ANKRD30BL: variants seen among roughly 807,000 people sequenced by gnomAD.
The protein encoded by ANKRD30BL is ankyrin repeat domain 30B like, also known as putative ankyrin repeat domain-containing protein 30B-like.
Under a neutral mutation model 18.4 loss-of-function variants are expected in ANKRD30BL, and 20 were observed. The observed-to-expected ratio is 1.09, with a 90% CI of 0.77 to 1.58. The LOEUF is 1.58. ANKRD30BL is among the 40% of genes most tolerant of loss of function. The pLI, the probability that ANKRD30BL is intolerant of heterozygous loss-of-function variation, is 0.00. For synonymous variants in ANKRD30BL, 72 were observed against 100.9 expected, an observed-to-expected ratio of 0.71 and a Z score of 1.72; for missense variants, 224 against 268.6, an observed-to-expected ratio of 0.83 and a Z score of 1.16.
chr2:132,242,110 G>C (rs1573884038), intron 1 of ANKRD30BL, among the ~76,000 whole-genome samples: 1 of 151,224 alleles, frequency 6.6e-6, no homozygotes. Context: ...ATTTTTCTTA[G>C]ATACAGCAGT....
At chr2:132,196,384 G>T (rs1474617402) in intron 1 of ANKRD30BL, among the ~76,000 whole-genome samples, 1 of 151,976 alleles carries the variant, frequency 6.6e-6, no homozygotes, top group Non-Finnish European at 1.5e-5. Context: ...GAACCCTGGG[G>T]GATTGCAGTG....
chr2:132,198,272 C>G (rs1480690514), intron 1 of ANKRD30BL, among the ~76,000 whole-genome samples: 5 of 35,490 alleles, frequency 1.4e-4, no homozygotes, highest in African/African-American at 6.2e-4. Context: ...TCTTTCTTTT[C>G]TTTCTTTCTT....
At chr2:132,197,450 T>C (rs1202419518) in intron 1 of ANKRD30BL, among the ~76,000 whole-genome samples, 1 of 152,186 alleles carries the variant, frequency 6.6e-6, no homozygotes, top group South Asian at 2.1e-4. Context: ...TTTATATTTT[T>C]CATTTTCTAG....
At chr2:132,198,622 CTT>C (rs1198235501) in intron 1 of ANKRD30BL, among the ~76,000 whole-genome samples, 7 of 138,080 alleles carry the variant, frequency 5.1e-5, no homozygotes, top group Non-Finnish European at 9.5e-5. Context: ...AGCGCCCAGC[CTT>C]TTTTTTTTTT....
intron 1 of ANKRD30BL, among the ~76,000 whole-genome samples, chr2:132,249,051 G>A (rs201228196): frequency 1.6e-4 from 24 of 151,860 alleles, no homozygotes; most frequent in South Asian, 8.3e-4. Flanking sequence ...GAAAAGAAAC[G>A]TTTACCTCTG....
chr2:132,180,466 C>T (rs917487841), intron 1 of ANKRD30BL, among the ~76,000 whole-genome samples: 11 of 152,196 alleles, frequency 7.2e-5, no homozygotes, highest in Non-Finnish European at 1.5e-4. Context: ...CAAATTTATT[C>T]CATCATCAAG....
intron 1 of ANKRD30BL, among the ~76,000 whole-genome samples, chr2:132,223,214 T>C (rs942172630): frequency 1.3e-5 from 2 of 152,060 alleles, no homozygotes; most frequent in African/African-American, 4.8e-5. Flanking sequence ...TTTGAAACAG[T>C]CTTTTGGAGA....
upstream of ANKRD30BL, among the ~76,000 whole-genome samples, chr2:132,164,842 C>A (rs1019653276): frequency 6.6e-5 from 10 of 152,052 alleles, no homozygotes; most frequent in Non-Finnish European, 1.5e-4. Context: ...GAGGCCAAGG[C>A]GGGCAGATCA....
At chr2:132,163,216 C>G (rs549206344), upstream of ANKRD30BL, among the ~76,000 whole-genome samples, 361 of 152,170 alleles carry the variant, frequency 2.4e-3, 2 homozygotes, top group African/African-American at 8.3e-3. Context: ...TTTGGGAGAC[C>G]GAGATAGGAG....
chr2:132,188,640 G>T (rs1479932353), intron 1 of ANKRD30BL, among the ~76,000 whole-genome samples: 2 of 152,166 alleles, frequency 1.3e-5, no homozygotes, highest in African/African-American at 4.8e-5. Context: ...AACCCGGGAG[G>T]TGGAGCTTGT....
At chr2:132,244,952 G>A (rs973506490) in intron 1 of ANKRD30BL, among the ~76,000 whole-genome samples, 1 of 152,288 alleles carries the variant, frequency 6.6e-6, no homozygotes, top group Non-Finnish European at 1.5e-5. Context: ...CTACACAGAA[G>A]CATTCTCAGA....
Position 132,241,491 on chromosome 2 carries a change from G to A in ANKRD30BL, n.441+16038C>T, listed in dbSNP as rs78168260. ...GAAGTGGACATTTGGAGCACTTTGAGGCCTGTGGTAAAAAGAATTATCTTC... is the reference window on the plus strand; with the variant it reads ...GAAGTGGACATTTGGAGCACTTTGAAGCCTGTGGTAAAAAGAATTATCTTC... On this transcript the variant is annotated intron_variant and non_coding_transcript_variant, in intron 1 of 4. Coordinates refer to the ANKRD30BL transcript ENST00000470729. 4.2e-4 allele frequency among the ~76,000 whole-genome samples: 63 copies of A among 151,640 alleles called. 2 individuals are homozygous for A. In the South Asian group the frequency reaches 0.011, roughly 27 times the overall value.
At chr2:132,202,791 A>G (rs1327593908) in intron 1 of ANKRD30BL, among the ~76,000 whole-genome samples, 2 of 152,218 alleles carry the variant, frequency 1.3e-5, no homozygotes, top group Non-Finnish European at 2.9e-5. Context: ...GTTGGCCTCT[A>G]CTACAACATT....
chr2:132,219,036 C>T (rs1679592875), intron 1 of ANKRD30BL, among the ~76,000 whole-genome samples: 1 of 152,080 alleles, frequency 6.6e-6, no homozygotes, highest in African/African-American at 2.4e-5. Flanking sequence ...ATTCAACTCA[C>T]AGAGTTGAAC....
chr2:132,233,822 T>C (rs1294013923), intron 1 of ANKRD30BL, among the ~76,000 whole-genome samples: 1 of 151,162 alleles, frequency 6.6e-6, no homozygotes, highest in Admixed American at 6.6e-5. Context: ...AACTCAGCTC[T>C]GCACCAAGTG....
intron 1 of ANKRD30BL, among the ~76,000 whole-genome samples, chr2:132,208,016 G>A (rs979986958): frequency 6.6e-6 from 1 of 152,070 alleles, no homozygotes; most frequent in Non-Finnish European, 1.5e-5. Flanking sequence ...TTGTACAAAA[G>A]GCTTTTACTC....
intron 1 of ANKRD30BL, among the ~76,000 whole-genome samples, chr2:132,234,399 C>A (rs1294591005): frequency 6.6e-6 from 1 of 151,880 alleles, no homozygotes; most frequent in Admixed American, 6.6e-5. Flanking sequence ...AATCCAGGAG[C>A]TGGTTTTTTG....
intron 1 of ANKRD30BL, chr2:132,253,190 G>A: frequency 4.6e-6 from 1 of 216,166 alleles, no homozygotes; most frequent in South Asian, 5.3e-5. Flanking sequence ...GAGGAACCCG[G>A]GCCGCAAGTG....
At chr2:132,161,227 T>A (rs559629737) in intron 1 of ANKRD30BL, among the ~76,000 whole-genome samples, 214 of 151,828 alleles carry the variant, frequency 1.4e-3, no homozygotes, top group African/African-American at 4.9e-3. Context: ...GAAGTGGGAG[T>A]GAAGGAGAAA....
Sources: allele counts gnomAD v4.1 joint callset (sites outside exome capture counted in the v4.1 genomes callset), GRCh38; gene constraint gnomAD v4.1.1; transcripts MANE v1.5; gene names NCBI Gene and HGNC (gene_info 2026-07-23, HGNC 2026-07-21).